The following CLEC18A variants were observed in gnomAD, a reference collection of about 807,000 sequenced individuals.
The protein encoded by CLEC18A is mannose receptor-like 1.
CLEC18A carries 5 observed loss-of-function variants against 24.0 expected under a neutral mutation model. The observed-to-expected ratio is 0.21, with a 90% confidence interval of 0.11 to 0.44. The LOEUF (loss-of-function observed/expected upper bound fraction) is 0.44, where lower values mean the gene tolerates loss of function less well. CLEC18A is among the 20% of genes least tolerant of loss of function. The pLI, the probability that CLEC18A is intolerant of heterozygous loss-of-function variation, is 0.99. For missense variants in CLEC18A, 83 were observed against 233.4 expected (o/e 0.36, Z 4.20); for synonymous variants, 29 against 100.1 (o/e 0.29, Z 4.24).
chr16:69,957,284 C>T (rs2059051170), intron 3 of CLEC18A, among the ~76,000 whole-genome samples: 1 of 147,636 alleles, frequency 6.8e-6, no homozygotes, highest in Non-Finnish European at 1.5e-5. Context: ...CACCTCAGGT[C>T]CGGAGTAGCT....
chr16:69,944,402 A>G, the CLEC18A span, among the ~76,000 whole-genome samples: 1 of 152,002 alleles, frequency 6.6e-6, no homozygotes, highest in African/African-American at 2.4e-5. Context: ...CATGAACCAG[A>G]CTTTGAAACA....
the CLEC18A span, among the ~76,000 whole-genome samples, chr16:69,943,663 G>A: frequency 1.6e-4 from 25 of 151,576 alleles, no homozygotes; most frequent in African/African-American, 5.1e-4. Flanking sequence ...AGGTGCATGC[G>A]GTGAGTTAAC....
intron 3 of CLEC18A, among the ~76,000 whole-genome samples, chr16:69,958,737 A>G (rs1170094232): frequency 2.2e-4 from 2 of 9,070 alleles, no homozygotes; most frequent in Non-Finnish European, 3.5e-4. Flanking sequence ...CATCTCAAAA[A>G]TAAATAAATA....
At chr16:69,946,821 T>G (rs1466633936), upstream of CLEC18A, among the ~76,000 whole-genome samples, 2 of 73,752 alleles carry the variant, frequency 2.7e-5, no homozygotes, top group African/African-American at 8.6e-5. Context: ...AGTAGGGTTT[T>G]TTTTTTTTTT....
chr16:69,952,856 G>C (rs1007821906), intron 2 of CLEC18A: 13 of 148,658 alleles, frequency 8.7e-5, no homozygotes, highest in African/African-American at 3.0e-4. Context: ...GGCGGCCACA[G>C]TGGCGACCTT....
At chr16:69,964,509 T>TTCTTTTC (rs1417642380), downstream of CLEC18A, 10 of 148,114 alleles carry the variant, frequency 6.8e-5, no homozygotes, top group African/African-American at 1.7e-4. Context: ...TTCTTTTCTT[T>TTCTTTTC]TTTTTTTTGA....
chr16:69,964,253 C>T (rs886143735), downstream of CLEC18A: 2 of 144,750 alleles, frequency 1.4e-5, no homozygotes, highest in Admixed American at 6.9e-5. Flanking sequence ...TGGGAGACGA[C>T]GCGTGTGTGT....
At chr16:69,945,312 G>GTT in the CLEC18A span, among the ~76,000 whole-genome samples, 1 of 151,470 alleles carries the variant, frequency 6.6e-6, no homozygotes, top group African/African-American at 2.5e-5. Flanking sequence ...ATAAATGTAA[G>GTT]TTTTTTCCTG....
At chr16:69,954,025 C>T (rs1426497421) in intron 2 of CLEC18A, among the ~76,000 whole-genome samples, 2 of 139,426 alleles carry the variant, frequency 1.4e-5, no homozygotes, top group East Asian at 2.1e-4. Flanking sequence ...GTCTGCAACG[C>T]GTGGGCACTG....
chr16:69,946,225 G>T (rs1015950594), upstream of CLEC18A, among the ~76,000 whole-genome samples: 37 of 131,586 alleles, frequency 2.8e-4, no homozygotes, highest in African/African-American at 9.1e-4. Context: ...AGTAGGAAGA[G>T]ATCAGGCCAC....
intron 11 of CLEC18A, 66 bp downstream of exon 11, chr16:69,963,133 A>G (rs2152021034): frequency 6.2e-7 from 1 of 1,612,328 alleles, no homozygotes; most frequent in South Asian, 1.1e-5. Context: ...GACCCGGTCC[A>G]GCCTGCAAGG....
At chr16:69,958,728 A>C (rs1439279911) in intron 3 of CLEC18A, among the ~76,000 whole-genome samples, 1 of 80,146 alleles carries the variant, frequency 1.2e-5, no homozygotes, top group East Asian at 1.7e-3. Flanking sequence ...GCAAAACTCC[A>C]TCTCAAAAAT....
At chr16:69,964,795 G>T (rs634671), downstream of CLEC18A, among the ~76,000 whole-genome samples, 123 of 151,378 alleles carry the variant, frequency 8.1e-4, no homozygotes, top group East Asian at 3.1e-3. Flanking sequence ...GAGCCACCGC[G>T]CCCGGCCCTA....
chr16:69,944,811 G>A, the CLEC18A span, among the ~76,000 whole-genome samples: 1 of 119,048 alleles, frequency 8.4e-6, no homozygotes, highest in Non-Finnish European at 1.7e-5. Context: ...ACTCCAGCCT[G>A]GGCGACAGAG....
chr16:69,963,728 C>T lies in CLEC18A; in HGVS notation c.*117C>T. ...TCACATGCCTCATGTCCAAAGAGGT[C>T]TCAGACCTTGCACAATGCCAGAAGT... On this transcript the variant is annotated 3_prime_UTR_variant, in exon 12 of 12. Coordinates refer to ENST00000288040, the MANE Select transcript of CLEC18A (RefSeq NM_001370523.4). The T allele has an allele frequency of 8.7e-7, 1 of 1,150,858 alleles. No homozygotes were observed. Among genetic ancestry groups the T allele is most frequent in the South Asian group, 1.4e-5 (1 of 73,554 alleles). The allele number at this position is 1,150,858 out of a possible 1,614,324, so 71.3% of individuals were successfully genotyped here.
chr16:69,953,634 G>A lies in CLEC18A; in HGVS notation c.217-700G>A, dbSNP rs1307703208. ...AGTTTGAGACCAGCAATGGCCAACAGTGAAACCCCGTCTCTACTAAAAATA... is the reference window on the plus strand; with the variant it reads ...AGTTTGAGACCAGCAATGGCCAACAATGAAACCCCGTCTCTACTAAAAATA... On this transcript the variant is annotated intron_variant, in intron 2 of 11. Coordinates refer to ENST00000288040, the MANE Select transcript of CLEC18A (RefSeq NM_001370523.4). 1.9e-5 allele frequency: 2 copies of A among 107,286 alleles called. 1 individual carries two copies. Among genetic ancestry groups the A allele is most frequent in the Non-Finnish European group, 4.6e-5 (2 of 43,816 alleles). 6.6% of individuals were successfully genotyped at this position (107,286 alleles called of 1,614,324 possible).
At chr16:69,965,647 C>G (rs1252822378), downstream of CLEC18A, among the ~76,000 whole-genome samples, 7 of 147,470 alleles carry the variant, frequency 4.7e-5, no homozygotes, top group Non-Finnish European at 8.9e-5. Flanking sequence ...ACGACCTGCT[C>G]CCGAGGGGGT....
the CLEC18A span, among the ~76,000 whole-genome samples, chr16:69,944,466 T>C: frequency 6.6e-6 from 1 of 151,098 alleles, no homozygotes; most frequent in Non-Finnish European, 1.5e-5. Context: ...GAGTTGGAGA[T>C]TGCAGTGCAC....
At chr16:69,945,494 A>G in the CLEC18A span, among the ~76,000 whole-genome samples, 1 of 152,224 alleles carries the variant, frequency 6.6e-6, no homozygotes. Context: ...TTTCCGTGCA[A>G]ATTTTGAGAT....
Sources: allele counts gnomAD v4.1 joint callset (sites outside exome capture counted in the v4.1 genomes callset), GRCh38; gene constraint gnomAD v4.1.1; transcripts MANE v1.5; gene names NCBI Gene and HGNC (gene_info 2026-07-23, HGNC 2026-07-21).